Variants in SV2C observed in about 807,000 individuals in gnomAD.
SV2C encodes the protein synaptic vesicle glycoprotein 2C.
In SV2C, 49 loss-of-function variants were observed where a neutral mutation model predicts 79.7. That is an observed-to-expected ratio of 0.61 (90% CI 0.49 to 0.78). SV2C has a LOEUF of 0.78. SV2C is among the 30% of genes least tolerant of loss of function. The probability of loss-of-function intolerance (pLI) is 0.00; values close to 1 mark genes in which losing one functional copy is unlikely to be tolerated. For missense variants in SV2C, 833 were observed against 912.9 expected (o/e 0.91, Z 1.13); for synonymous variants, 334 against 333.2 (o/e 1.00, Z -0.03).
intron 4 of SV2C, among the ~76,000 whole-genome samples, chr5:76,218,670 A>T (rs749151234): frequency 2.0e-5 from 3 of 152,198 alleles, no homozygotes; most frequent in Non-Finnish European, 4.4e-5. Flanking sequence ...AACCTAGATG[A>T]TGGGTTGATA....
chr5:76,266,010 G>A (rs1319547100), intron 4 of SV2C, among the ~76,000 whole-genome samples: 2 of 152,222 alleles, frequency 1.3e-5, no homozygotes, highest in East Asian at 1.9e-4. Flanking sequence ...CCTGAACTGA[G>A]TGTGTTATCT....
intron 4 of SV2C, among the ~76,000 whole-genome samples, chr5:76,272,568 AC>A (rs1025873422): frequency 6.6e-6 from 1 of 152,164 alleles, no homozygotes; most frequent in African/African-American, 2.4e-5. Flanking sequence ...CAACTTTTGG[AC>A]ACTTGTCTCA....
At chr5:76,274,862 A>G (rs1316414633) in intron 4 of SV2C, among the ~76,000 whole-genome samples, 2 of 151,902 alleles carry the variant, frequency 1.3e-5, no homozygotes, top group Non-Finnish European at 2.9e-5. Context: ...TATATTTTAA[A>G]CCTGTGACAT....
the SV2C span, among the ~76,000 whole-genome samples, chr5:75,972,762 C>G: frequency 1.3e-5 from 2 of 151,964 alleles, no homozygotes; most frequent in Admixed American, 6.6e-5. Context: ...TGTGGAAGTC[C>G]GTGTGGCAAT....
At chr5:76,012,785 G>A in the SV2C span, among the ~76,000 whole-genome samples, 2 of 152,134 alleles carry the variant, frequency 1.3e-5, no homozygotes, top group East Asian at 1.9e-4. Flanking sequence ...TTTTGTATAA[G>A]GTGTAAGGAA....
intron 3 of SV2C, among the ~76,000 whole-genome samples, chr5:76,199,501 T>C (rs1170400425): frequency 6.6e-6 from 1 of 152,228 alleles, no homozygotes; most frequent in Non-Finnish European, 1.5e-5. Context: ...TTTCCTGTTT[T>C]GTCTCCTTGG....
At chr5:76,066,878 T>C in the SV2C span, among the ~76,000 whole-genome samples, 1 of 151,538 alleles carries the variant, frequency 6.6e-6, no homozygotes, top group East Asian at 1.9e-4. Flanking sequence ...CTGGTATCCA[T>C]AGTCATTTGG....
intron 8 of SV2C, among the ~76,000 whole-genome samples, chr5:76,294,245 A>G (rs1454053090): frequency 6.6e-6 from 1 of 152,198 alleles, no homozygotes; most frequent in Non-Finnish European, 1.5e-5. Flanking sequence ...CACACAAAGT[A>G]AAAGGAAATA....
chr5:76,048,134 AT>A, the SV2C span, among the ~76,000 whole-genome samples: 3 of 152,094 alleles, frequency 2.0e-5, no homozygotes, highest in Non-Finnish European at 4.4e-5. Context: ...TGTTGATTGA[AT>A]TTTTTTGAGA....
chr5:76,325,291 G>C, intron 12 of SV2C, 73 bp from the exon 13 acceptor site: 1 of 1,454,544 alleles, frequency 6.9e-7, no homozygotes, highest in Non-Finnish European at 9.5e-7. Flanking sequence ...TGAAAATCTA[G>C]GATCTTTTGG....
chr5:76,322,202 A>G (rs571029422), intron 12 of SV2C, among the ~76,000 whole-genome samples: 2 of 152,198 alleles, frequency 1.3e-5, no homozygotes, highest in Non-Finnish European at 2.9e-5. Flanking sequence ...CAGGATACAA[A>G]ATCAACGTGC....
At chr5:76,112,636 TG>T (rs922061261) in intron 1 of SV2C, among the ~76,000 whole-genome samples, 1 of 152,206 alleles carries the variant, frequency 6.6e-6, no homozygotes, top group Non-Finnish European at 1.5e-5. Flanking sequence ...AGGGAGGCCC[TG>T]GTAGTGTTCA....
At chr5:76,260,450 G>T (rs1746428109) in intron 4 of SV2C, among the ~76,000 whole-genome samples, 1 of 152,154 alleles carries the variant, frequency 6.6e-6, no homozygotes, top group Non-Finnish European at 1.5e-5. Flanking sequence ...AGTTTAATTA[G>T]ATCCAGTTTG....
chr5:75,888,281 A>G, the SV2C span, among the ~76,000 whole-genome samples: 1,056 of 151,934 alleles, frequency 7.0e-3, 4 homozygotes, highest in African/African-American at 0.011. Flanking sequence ...AAAAGATGGT[A>G]CCATTAGACA....
At chr5:76,153,068 A>G (rs946594262) in intron 2 of SV2C, among the ~76,000 whole-genome samples, 8 of 152,210 alleles carry the variant, frequency 5.3e-5, no homozygotes, top group African/African-American at 1.9e-4. Context: ...AGGAAAGGCC[A>G]GGGTACTGCC....
chr5:76,128,557 C>T (rs1334599780), intron 1 of SV2C, among the ~76,000 whole-genome samples: 2 of 152,180 alleles, frequency 1.3e-5, no homozygotes, highest in East Asian at 3.8e-4. Context: ...GGCATCTCCT[C>T]TAACAAGCTT....
the SV2C span, among the ~76,000 whole-genome samples, chr5:75,965,090 T>A: frequency 6.6e-6 from 1 of 152,166 alleles, no homozygotes; most frequent in Admixed American, 6.5e-5. Context: ...TATGTAAAGA[T>A]CATGAACTTG....
At chr5:76,015,040 C>T in the SV2C span, among the ~76,000 whole-genome samples, 2 of 152,192 alleles carry the variant, frequency 1.3e-5, no homozygotes, top group East Asian at 3.9e-4. Flanking sequence ...TTCCAGTTTC[C>T]CTTGTAGTTA....
chr5:75,964,444 C>T, the SV2C span, among the ~76,000 whole-genome samples: 1 of 152,252 alleles, frequency 6.6e-6, no homozygotes, highest in African/African-American at 2.4e-5. Flanking sequence ...GCTCAGCCAA[C>T]TCCTTGCCAC....
Sources: gnomAD v4.1 joint callset for allele counts (sites outside exome capture counted in the v4.1 genomes callset) on GRCh38, gnomAD v4.1.1 for gene constraint, MANE v1.5 for transcripts, NCBI Gene and HGNC (gene_info 2026-07-23, HGNC 2026-07-21) for gene names.